The following VTI1A variants were observed in gnomAD, a reference collection of about 807,000 sequenced individuals.
The protein encoded by VTI1A is vesicle transport through interaction with t-SNAREs homolog 1A.
In VTI1A, 22 loss-of-function variants were observed where a neutral mutation model predicts 34.9. The observed-to-expected ratio is 0.63, with a 90% confidence interval of 0.45 to 0.90. The LOEUF (loss-of-function observed/expected upper bound fraction) is 0.90. Among genes scored for constraint, VTI1A ranks in the 40% least tolerant of loss-of-function variants. The pLI is 0.00. For missense variants in VTI1A, 268 were observed against 275.6 expected (o/e 0.97, Z 0.20); for synonymous variants, 87 against 97.3 (o/e 0.89, Z 0.62).
chr10:112,652,123 T>C (rs942501908), intron 5 of VTI1A, among the ~76,000 whole-genome samples: 2 of 152,098 alleles, frequency 1.3e-5, no homozygotes, highest in African/African-American at 2.4e-5. Flanking sequence ...TCAAAGACAA[T>C]GTAAAGGGAT....
intron 4 of VTI1A, 58 bp downstream of exon 4, chr10:112,527,222 C>T (rs775893993): frequency 4.1e-5 from 61 of 1,476,162 alleles, no homozygotes; most frequent in Admixed American, 1.0e-4. Context: ...AGGTCACTGG[C>T]GCACTGGGCT....
chr10:112,477,501 G>A (rs1296110241), intron 3 of VTI1A, among the ~76,000 whole-genome samples: 2 of 152,210 alleles, frequency 1.3e-5, no homozygotes, highest in Admixed American at 1.3e-4. Context: ...ATTTGGTTCT[G>A]TTAAGTATTA....
intron 7 of VTI1A, among the ~76,000 whole-genome samples, chr10:112,680,410 G>C (rs1366545812): frequency 6.6e-6 from 1 of 152,184 alleles, no homozygotes; most frequent in Non-Finnish European, 1.5e-5. Flanking sequence ...CCAAGTTCAT[G>C]CCACAAAGAT....
At chr10:112,806,427 A>G (rs796920854) in intron 7 of VTI1A, among the ~76,000 whole-genome samples, 7 of 152,198 alleles carry the variant, frequency 4.6e-5, no homozygotes, top group African/African-American at 1.7e-4. Flanking sequence ...CTGGGACTAC[A>G]GGCACACGCC....
At chr10:112,739,310 C>T (rs1041621038) in intron 7 of VTI1A, among the ~76,000 whole-genome samples, 5 of 152,182 alleles carry the variant, frequency 3.3e-5, no homozygotes, top group African/African-American at 1.2e-4. Context: ...ATGAGAAAAA[C>T]AATTGCCCAC....
intron 4 of VTI1A, among the ~76,000 whole-genome samples, chr10:112,534,527 G>A (rs560888912): frequency 1.3e-5 from 2 of 152,102 alleles, no homozygotes; most frequent in African/African-American, 4.8e-5. Context: ...CATTCTCTAG[G>A]TGATACAGAT....
At chr10:112,487,838 A>G (rs1848696238) in intron 3 of VTI1A, among the ~76,000 whole-genome samples, 2 of 152,340 alleles carry the variant, frequency 1.3e-5, no homozygotes, top group Middle Eastern at 3.4e-3. Context: ...ATTGGCTGTC[A>G]TCTCAGAATT....
chr10:112,450,938 G>A (rs1442148671), intron 1 of VTI1A, among the ~76,000 whole-genome samples: 2 of 152,196 alleles, frequency 1.3e-5, no homozygotes, highest in African/African-American at 4.8e-5. Flanking sequence ...AGTGGGGAAT[G>A]TTTTCCTCTG....
At chr10:112,716,178 T>C (rs1393092522) in intron 7 of VTI1A, among the ~76,000 whole-genome samples, 3 of 152,078 alleles carry the variant, frequency 2.0e-5, no homozygotes, top group African/African-American at 7.2e-5. Flanking sequence ...GACGAAGTGT[T>C]CTCCTGGGAG....
chr10:112,618,946 T>C (rs958083918), intron 5 of VTI1A, among the ~76,000 whole-genome samples: 21 of 152,172 alleles, frequency 1.4e-4, no homozygotes, highest in Middle Eastern at 6.8e-3. Context: ...ACACAGCCTA[T>C]CATGACAATC....
At chr10:112,547,783 T>C (rs894138083) in intron 5 of VTI1A, among the ~76,000 whole-genome samples, 4 of 152,178 alleles carry the variant, frequency 2.6e-5, no homozygotes, top group African/African-American at 9.6e-5. Flanking sequence ...AAATAAATTA[T>C]TTTTAGATTA....
chr10:112,574,201 ATTAC>A (rs1367287804), intron 5 of VTI1A, among the ~76,000 whole-genome samples: 8 of 152,214 alleles, frequency 5.3e-5, no homozygotes, highest in African/African-American at 1.7e-4. Context: ...GAAGCTGTTT[ATTAC>A]TTCAAGTATG....
At chr10:112,628,905 A>T (rs1589994172) in intron 5 of VTI1A, among the ~76,000 whole-genome samples, 1 of 152,104 alleles carries the variant, frequency 6.6e-6, no homozygotes, top group Admixed American at 6.5e-5. Context: ...CATTTAAAGT[A>T]TGAGTTTTTT....
At chr10:112,501,851 T>C (rs1849253692) in intron 3 of VTI1A, among the ~76,000 whole-genome samples, 1 of 152,112 alleles carries the variant, frequency 6.6e-6, no homozygotes, top group South Asian at 2.1e-4. Context: ...CAGCACAGTT[T>C]GTATGTGGGA....
chr10:112,831,039 A>G, the VTI1A span: 10 of 147,542 alleles, frequency 6.8e-5, no homozygotes, highest in Non-Finnish European at 1.5e-4. Context: ...TTGTAGAGAC[A>G]TTTTTTTTTC....
intron 5 of VTI1A, among the ~76,000 whole-genome samples, chr10:112,588,188 A>G (rs11196007): frequency 0.093 from 14,107 of 152,212 alleles, 810 homozygotes; most frequent in South Asian, 0.16. Flanking sequence ...AAAGGTAGAC[A>G]GGCAACAGAA....
At chr10:112,649,229 C>G (rs577837636) in intron 5 of VTI1A, among the ~76,000 whole-genome samples, 2 of 152,272 alleles carry the variant, frequency 1.3e-5, no homozygotes, top group South Asian at 2.1e-4. Flanking sequence ...ACTGCTAATT[C>G]GTATTCAAAG....
At chr10:112,496,869 C>A (rs190242638) in intron 3 of VTI1A, among the ~76,000 whole-genome samples, 2 of 152,136 alleles carry the variant, frequency 1.3e-5, no homozygotes, top group South Asian at 4.2e-4. Context: ...TCTTTCTAAC[C>A]AATACAACTG....
the VTI1A span, among the ~76,000 whole-genome samples, chr10:112,834,868 G>A: frequency 2.6e-5 from 4 of 152,118 alleles, no homozygotes; most frequent in Admixed American, 6.5e-5. Flanking sequence ...GGCCTTCAGC[G>A]GGCTGGCAGC....
Sources: gnomAD v4.1 joint callset for allele counts (sites outside exome capture counted in the v4.1 genomes callset) on GRCh38, gnomAD v4.1.1 for gene constraint, MANE v1.5 for transcripts, NCBI Gene and HGNC (gene_info 2026-07-23, HGNC 2026-07-21) for gene names.